The following TBL1X variants were observed in gnomAD, a reference collection of about 807,000 sequenced individuals.
TBL1X encodes F-box-like/WD repeat-containing protein TBL1X.
TBL1X carries 10 observed loss-of-function variants against 50.7 expected under a neutral mutation model. The observed-to-expected ratio is 0.20, with a 90% CI of 0.12 to 0.33. TBL1X has a LOEUF of 0.33. Ranked by LOEUF, TBL1X falls within the 10% of genes least tolerant of loss-of-function variation. The pLI is 1.00. For synonymous variants in TBL1X, 190 were observed against 214.7 expected, an observed-to-expected ratio of 0.88 and a Z score of 1.01; for missense variants, 340 against 504.4, an observed-to-expected ratio of 0.67 and a Z score of 3.12.
chrX:9,543,073 T>C (rs2082223347), intron 2 of TBL1X, among the ~76,000 whole-genome samples: 1 of 112,370 alleles, frequency 8.9e-6, no homozygotes, highest in Non-Finnish European at 1.9e-5. Flanking sequence ...TTACCATCCC[T>C]CTGGACCAAC....
In TBL1X at chrX:9,612,984, T is replaced by G. The variant is rs189997764; in HGVS notation, c.-130-27289T>G. Among the ~76,000 whole-genome samples, 166 of 110,399 alleles carry G rather than the reference T, an allele frequency of 1.5e-3. 2 individuals carry two copies. Among genetic ancestry groups the G allele is most frequent in the African/African-American group, 4.9e-3 (150 of 30,342 alleles). On this transcript the variant is annotated intron_variant, in intron 2 of 17. Transcript: ENST00000645353. ...CAACTCTGTGACCTTAGAACTACCT[T>G]TTTACATTTTCAAAGATTAACTCTC...
At chrX:9,569,276 CTG>C (rs1368381404) in intron 2 of TBL1X, among the ~76,000 whole-genome samples, 14 of 93,792 alleles carry the variant, frequency 1.5e-4, no homozygotes, top group African/African-American at 4.6e-4. Flanking sequence ...GTGTGTCTAT[CTG>C]TGCAGTATCT....
intron 1 of TBL1X, among the ~76,000 whole-genome samples, chrX:9,498,190 A>T (rs2081982633): frequency 8.9e-6 from 1 of 111,891 alleles, no homozygotes. Flanking sequence ...ACATAGTTTT[A>T]TCAGTAAAGG....
intron 1 of TBL1X, among the ~76,000 whole-genome samples, chrX:9,472,389 A>T (rs1218331697): frequency 9.4e-6 from 1 of 106,787 alleles, no homozygotes. Context: ...CCTCCCAAGT[A>T]GCTGGGCCGA....
In TBL1X at chrX:9,529,398, G is replaced by A. The variant is rs574463248; in HGVS notation, c.-131+27549G>A. 5.4e-5 allele frequency among the ~76,000 whole-genome samples: 6 copies of A among 111,620 alleles called. 1 individual carries two copies. The highest frequency in any genetic ancestry group is 2.0e-4 in the African/African-American group (6 of 30,708). Reference sequence around the variant, plus strand: ...TTAAAGGCAGTCCTGAGGGATGATGGCCTCATCTCCGCAGTTGCCTGGAAT... The same window carrying A: ...TTAAAGGCAGTCCTGAGGGATGATGACCTCATCTCCGCAGTTGCCTGGAAT... On this transcript the variant is annotated intron_variant, in intron 2 of 17. Transcript: ENST00000645353.
intron 2 of TBL1X, among the ~76,000 whole-genome samples, chrX:9,588,360 G>T (rs1344045206): frequency 8.9e-6 from 1 of 111,842 alleles, no homozygotes; most frequent in African/African-American, 3.3e-5. Flanking sequence ...TCTGTCAGTA[G>T]ATGTTTGGGT....
intron 2 of TBL1X, among the ~76,000 whole-genome samples, chrX:9,631,080 G>A (rs2082719136): frequency 9.0e-6 from 1 of 111,384 alleles, no homozygotes; most frequent in South Asian, 3.7e-4. Context: ...GAAGACTCTG[G>A]CTTTTTAAAT....
intron 3 of TBL1X, among the ~76,000 whole-genome samples, chrX:9,651,889 C>T (rs2082837561): frequency 8.9e-6 from 1 of 112,408 alleles, no homozygotes; most frequent in South Asian, 3.6e-4. Context: ...GGAATGTCGC[C>T]AGGGCAGCTG....
At chrX:9,704,535 T>C (rs753557102) in intron 12 of TBL1X, among the ~76,000 whole-genome samples, 1 of 111,487 alleles carries the variant, frequency 9.0e-6, no homozygotes, top group Non-Finnish European at 1.9e-5. Context: ...AGAGGGTCTT[T>C]AAGGTCTTAG....
chrX:9,714,759 G>A (rs1191795763), intron 16 of TBL1X, 143 bp from the exon 17 acceptor site: 1 of 558,895 alleles, frequency 1.8e-6, no homozygotes, highest in African/African-American at 2.3e-5. Context: ...ATGGCCCCCA[G>A]AGTCCTTACT....
At position 9,540,492 on chromosome X, in the gene TBL1X, C is replaced by T. The variant is rs2082209075; in HGVS notation, c.-131+38643C>T. 1.8e-5 allele frequency among the ~76,000 whole-genome samples: 2 copies of T among 112,320 alleles called. 1 individual carries two copies. Among genetic ancestry groups the T allele is most frequent in the Admixed American group, 1.9e-4 (2 of 10,645 alleles). ...TCCATTGGAGATGAAGTCTTCTTGC[C>T]CTGTTTTTCTCTTTAAAAAAGTGAG... On this transcript the variant is annotated intron_variant, in intron 2 of 17. Transcript: ENST00000645353.
In TBL1X at chrX:9,466,088, G is replaced by T. The variant is rs772036050; in HGVS notation, c.-201+641G>T. ...TCTCCCCGGCCTGAGCGCACGGCTGGGCTGGGGGCACCCTTGGCCCGTCGA... is the reference window on the plus strand; with the variant it reads ...TCTCCCCGGCCTGAGCGCACGGCTGTGCTGGGGGCACCCTTGGCCCGTCGA... On this transcript the variant is annotated intron_variant, in intron 1 of 17. Transcript: ENST00000645353. 5.3e-5 allele frequency among the ~76,000 whole-genome samples: 6 copies of T among 112,439 alleles called. No individual in the cohort carries two copies. In the East Asian group the frequency reaches 1.7e-3, roughly 32 times the overall value.
chrX:9,556,530 C>T (rs2082300870), intron 2 of TBL1X, among the ~76,000 whole-genome samples: 1 of 109,070 alleles, frequency 9.2e-6, no homozygotes, highest in Non-Finnish European at 1.9e-5. Flanking sequence ...TGGTCCACAC[C>T]TGTAGTCCCA....
intron 2 of TBL1X, among the ~76,000 whole-genome samples, chrX:9,503,497 A>AGCACTG (rs56179931): frequency 0.43 from 47,608 of 111,620 alleles, 7,558 homozygotes; most frequent in Admixed American, 0.55. Context: ...GGCAGCAGCC[A>AGCACTG]GCACTGGCAA....
chrX:9,691,973 G>A, intron 8 of TBL1X, 140 bp from the exon 9 acceptor site: 7 of 1,036,016 alleles, frequency 6.8e-6, no homozygotes, highest in Non-Finnish European at 9.2e-6. Context: ...AGATGGCAAA[G>A]AGGGAAACAG....
intron 2 of TBL1X, among the ~76,000 whole-genome samples, chrX:9,519,866 C>T (rs748560721): frequency 8.9e-6 from 1 of 112,253 alleles, no homozygotes; most frequent in Admixed American, 9.4e-5. Flanking sequence ...TTCATGCTAA[C>T]CTACTTTAAA....
chrX:9,484,166 G>A (rs191245062), intron 1 of TBL1X, among the ~76,000 whole-genome samples: 13 of 110,833 alleles, frequency 1.2e-4, no homozygotes, highest in East Asian at 1.1e-3. Context: ...CACCACACCC[G>A]GTTAATTTTT....
intron 2 of TBL1X, among the ~76,000 whole-genome samples, chrX:9,576,126 C>A (rs1340592130): frequency 8.9e-6 from 1 of 112,135 alleles, no homozygotes; most frequent in Non-Finnish European, 1.9e-5. Context: ...TATTCCCCCC[C>A]CTCCTCCCAA....
intron 2 of TBL1X, among the ~76,000 whole-genome samples, chrX:9,559,364 G>A (rs2082314579): frequency 1.8e-5 from 2 of 111,390 alleles, no homozygotes; most frequent in South Asian, 7.5e-4. Context: ...GTGTTGCAGT[G>A]GATGATGGTG....
Sources: allele counts gnomAD v4.1 joint callset (sites outside exome capture counted in the v4.1 genomes callset), GRCh38; gene constraint gnomAD v4.1.1; transcripts MANE v1.5; gene names NCBI Gene and HGNC (gene_info 2026-07-23, HGNC 2026-07-21).